CASK: variants seen among roughly 807,000 people sequenced by gnomAD.
CASK encodes peripheral plasma membrane protein CASK.
A neutral mutation model predicts 82.9 loss-of-function variants in CASK; 4 were observed. The observed-to-expected ratio is 0.05, with a 90% CI of 0.02 to 0.11. The LOEUF (loss-of-function observed/expected upper bound fraction) is 0.11, where lower values mean the gene tolerates loss of function less well. CASK is among the 10% of genes least tolerant of loss of function. The probability of loss-of-function intolerance (pLI) is 1.00; values close to 1 mark genes in which losing one functional copy is unlikely to be tolerated. For missense variants in CASK, 358 were observed against 720.9 expected (o/e 0.50, Z 5.76); for synonymous variants, 259 against 253.5 (o/e 1.02, Z -0.20).
At chrX:41,756,998 G>A (rs2068907093) in intron 3 of CASK, among the ~76,000 whole-genome samples, 1 of 112,019 alleles carries the variant, frequency 8.9e-6, no homozygotes, top group Non-Finnish European at 1.9e-5. Context: ...GGCTCCATAT[G>A]TGAAATCCAT....
At chrX:41,690,114 A>G (rs2067515889) in intron 5 of CASK, among the ~76,000 whole-genome samples, 1 of 111,804 alleles carries the variant, frequency 8.9e-6, no homozygotes, top group Admixed American at 9.6e-5. Flanking sequence ...GACCACTTCA[A>G]TATAGCACAT....
chrX:41,875,020 C>T (rs777458568), intron 1 of CASK, among the ~76,000 whole-genome samples: 1 of 112,365 alleles, frequency 8.9e-6, no homozygotes, highest in Non-Finnish European at 1.9e-5. Context: ...GTTTATCAAT[C>T]TTAATAAAAC....
intron 12 of CASK, among the ~76,000 whole-genome samples, chrX:41,604,526 T>C: frequency 9.2e-6 from 1 of 108,706 alleles, no homozygotes; most frequent in Non-Finnish European, 1.9e-5. Flanking sequence ...CTGGATCCTT[T>C]GGAGGGAGCA....
intron 1 of CASK, among the ~76,000 whole-genome samples, chrX:41,892,287 C>T (rs1255365404): frequency 2.0e-5 from 2 of 102,493 alleles, no homozygotes; most frequent in Admixed American, 2.2e-4. Flanking sequence ...CATCTGATGT[C>T]GCCAAATATA....
intron 2 of CASK, among the ~76,000 whole-genome samples, chrX:41,818,262 G>A (rs1252863307): frequency 9.3e-6 from 1 of 107,921 alleles, no homozygotes; most frequent in East Asian, 2.9e-4. Flanking sequence ...AAACAATTTT[G>A]ATAAAGTAGA....
chrX:41,551,334 A>G (rs1023958882), intron 21 of CASK, among the ~76,000 whole-genome samples: 5 of 111,564 alleles, frequency 4.5e-5, no homozygotes, highest in African/African-American at 1.6e-4. Flanking sequence ...GCTCAGTGAC[A>G]AGGCAGCTTT....
intron 1 of CASK, among the ~76,000 whole-genome samples, chrX:41,856,660 G>A (rs1277189580): frequency 9.1e-6 from 1 of 110,042 alleles, no homozygotes; most frequent in African/African-American, 3.3e-5. Flanking sequence ...GCTGGGCTTG[G>A]TGGCGGGCGC....
At chrX:41,560,610 G>C (rs1352666860) in intron 17 of CASK, among the ~76,000 whole-genome samples, 1 of 106,975 alleles carries the variant, frequency 9.3e-6, no homozygotes, top group Non-Finnish European at 1.9e-5. Context: ...AAAATTTTGG[G>C]CTGGGAGTGG....
chrX:41,826,605 G>A (rs1424695043), intron 2 of CASK, among the ~76,000 whole-genome samples: 1 of 111,018 alleles, frequency 9.0e-6, no homozygotes, highest in Non-Finnish European at 1.9e-5. Context: ...CTGAGTAGCT[G>A]GGACTACAGG....
At chrX:41,816,142 G>T (rs2070406153) in intron 2 of CASK, among the ~76,000 whole-genome samples, 1 of 111,606 alleles carries the variant, frequency 9.0e-6, no homozygotes, top group African/African-American at 3.3e-5. Context: ...ATGAGCCACT[G>T]TGCCCAGCTA....
At chrX:41,787,337 A>G in intron 2 of CASK, 54 bp from the exon 3 acceptor site, 1 of 697,763 alleles carries the variant, frequency 1.4e-6, no homozygotes, top group East Asian at 3.2e-5. Context: ...AGACAATTAG[A>G]GTGAATGATG....
At chrX:41,722,992 C>T (rs1341967822) in intron 5 of CASK, among the ~76,000 whole-genome samples, 5 of 111,865 alleles carry the variant, frequency 4.5e-5, no homozygotes, top group Non-Finnish European at 7.5e-5. Context: ...CTGTAATGAA[C>T]GGCCATGTAA....
At chrX:41,614,357 AAAAAT>A (rs921446393) in intron 11 of CASK, among the ~76,000 whole-genome samples, 42 of 112,098 alleles carry the variant, frequency 3.7e-4, no homozygotes, top group African/African-American at 1.3e-3. Flanking sequence ...CTAAAAATTA[AAAAAT>A]AAAATAAAAT....
intron 2 of CASK, among the ~76,000 whole-genome samples, chrX:41,841,937 C>A (rs1304566942): frequency 9.0e-6 from 1 of 111,680 alleles, no homozygotes; most frequent in East Asian, 2.8e-4. Context: ...ATGAAGAAAC[C>A]ACTACTTAAT....
rs552658242 is a variant in CASK, at chrX:41,850,657, T to C, written c.172+2458A>G. On this transcript the variant is annotated intron_variant, in intron 2 of 26. Transcript: ENST00000378163. ...CTGTGTTAAATTTTACTTCAAAATATGTGTCTTCTTATGTAGCATCTCCTT... is the reference window on the plus strand; with the variant it reads ...CTGTGTTAAATTTTACTTCAAAATACGTGTCTTCTTATGTAGCATCTCCTT... 7.2e-5 allele frequency among the ~76,000 whole-genome samples: 8 copies of C among 111,623 alleles called. No homozygotes were observed. In the South Asian group the frequency reaches 3.0e-3, roughly 42 times the overall value.
intron 11 of CASK, among the ~76,000 whole-genome samples, chrX:41,617,077 C>A (rs981888669): frequency 6.1e-4 from 68 of 112,054 alleles, no homozygotes; most frequent in African/African-American, 2.2e-3. Flanking sequence ...AACAAACTGA[C>A]ACACAGGCTG....
intron 12 of CASK, among the ~76,000 whole-genome samples, chrX:41,595,842 T>C (rs1188810533): frequency 9.0e-6 from 1 of 111,220 alleles, no homozygotes; most frequent in African/African-American, 3.3e-5. Flanking sequence ...GAGATATCTT[T>C]GGCAAATACT....
intron 1 of CASK, among the ~76,000 whole-genome samples, chrX:41,918,305 T>C (rs1264372249): frequency 2.7e-5 from 3 of 112,372 alleles, no homozygotes; most frequent in Non-Finnish European, 5.6e-5. Flanking sequence ...TTATATACTT[T>C]ACGTATTATT....
At chrX:41,539,832 G>A (rs761555366) in intron 22 of CASK, among the ~76,000 whole-genome samples, 1 of 112,090 alleles carries the variant, frequency 8.9e-6, no homozygotes, top group Non-Finnish European at 1.9e-5. Context: ...AACCTGAAGA[G>A]ATGGTGACAG....
Sources: gnomAD v4.1 joint callset for allele counts (sites outside exome capture counted in the v4.1 genomes callset) on GRCh38, gnomAD v4.1.1 for gene constraint, MANE v1.5 for transcripts, NCBI Gene and HGNC (gene_info 2026-07-23, HGNC 2026-07-21) for gene names.